HYCC2: variants seen among roughly 807,000 people sequenced by gnomAD.
The protein encoded by HYCC2 is hyccin PI4KA lipid kinase complex subunit 2, also known as hyccin 2.
the HYCC2 span, among the ~76,000 whole-genome samples, chr2:201,026,239 G>A: frequency 6.6e-6 from 1 of 152,094 alleles, no homozygotes; most frequent in Non-Finnish European, 1.5e-5. Flanking sequence ...GATGGTAAAG[G>A]GATCAATGCA....
At chr2:201,047,465 T>TATATATATACAC in the HYCC2 span, among the ~76,000 whole-genome samples, 2 of 148,806 alleles carry the variant, frequency 1.3e-5, no homozygotes, top group African/African-American at 5.0e-5. Context: ...TATATATATA[T>TATATATATACAC]ACACACACAC....
chr2:201,053,950 C>T, the HYCC2 span, among the ~76,000 whole-genome samples: 2 of 152,020 alleles, frequency 1.3e-5, no homozygotes, highest in East Asian at 1.9e-4. Context: ...GATGACAGAG[C>T]GAGACTCCAT....
the HYCC2 span, among the ~76,000 whole-genome samples, chr2:200,995,474 G>T: frequency 1.3e-5 from 2 of 152,204 alleles, no homozygotes; most frequent in Non-Finnish European, 2.9e-5. Context: ...GGGATTCCAT[G>T]ATTATGTGTA....
chr2:201,034,550 CTCTT>C, the HYCC2 span, among the ~76,000 whole-genome samples: 1 of 152,160 alleles, frequency 6.6e-6, no homozygotes, highest in Non-Finnish European at 1.5e-5. Flanking sequence ...TGGGTCTTGA[CTCTT>C]TATCCAATTT....
At chr2:201,016,893 G>T in the HYCC2 span, 2 of 1,247,222 alleles carry the variant, frequency 1.6e-6, no homozygotes, top group Non-Finnish European at 2.2e-6. Context: ...GAGCCACTGC[G>T]CCTGGCCAAT....
At chr2:201,065,040 A>G in the HYCC2 span, among the ~76,000 whole-genome samples, 1 of 152,226 alleles carries the variant, frequency 6.6e-6, no homozygotes, top group Non-Finnish European at 1.5e-5. Flanking sequence ...ATTTTATCAC[A>G]TAGGTAGACT....
the HYCC2 span, chr2:201,021,801 G>A: frequency 3.4e-6 from 1 of 291,840 alleles, no homozygotes; most frequent in Non-Finnish European, 6.8e-6. Flanking sequence ...AAAGAATTCT[G>A]AAAACTCTTG....
At chr2:201,058,572 C>T in the HYCC2 span, among the ~76,000 whole-genome samples, 1 of 152,212 alleles carries the variant, frequency 6.6e-6, no homozygotes, top group East Asian at 1.9e-4. Flanking sequence ...GGCATCGTGG[C>T]GCATGCCTGT....
the HYCC2 span, chr2:201,022,747 A>G: frequency 5.8e-6 from 5 of 859,974 alleles, no homozygotes; most frequent in South Asian, 1.2e-4. Flanking sequence ...ACAAGGAAAG[A>G]AAATTATAAA....
the HYCC2 span, chr2:200,981,473 G>T: frequency 6.2e-7 from 1 of 1,614,138 alleles, no homozygotes; most frequent in South Asian, 1.1e-5. This position sits in a 1 kb window ranked among gnomAD's most constrained non-coding sequence, Gnocchi z 4.5. Flanking sequence ...GTACTTGCTT[G>T]ACTGCCATTT....
At chr2:201,040,171 C>CAAA in the HYCC2 span, among the ~76,000 whole-genome samples, 1 of 75,442 alleles carries the variant, frequency 1.3e-5, no homozygotes, top group Non-Finnish European at 2.8e-5. Flanking sequence ...GACTCTGTCT[C>CAAA]AAAAAAAAAA....
At chr2:200,982,803 C>T in the HYCC2 span, among the ~76,000 whole-genome samples, 1 of 152,200 alleles carries the variant, frequency 6.6e-6, no homozygotes, top group South Asian at 2.1e-4. Context: ...GTCACCCAGA[C>T]TGGAGTGCAG....
At chr2:201,020,152 T>C in the HYCC2 span, among the ~76,000 whole-genome samples, 4 of 152,240 alleles carry the variant, frequency 2.6e-5, no homozygotes, top group East Asian at 5.8e-4. Context: ...GCAAGCACCA[T>C]GTTCTCAAAT....
the HYCC2 span, among the ~76,000 whole-genome samples, chr2:201,005,811 TTTTTA>T: frequency 2.6e-5 from 4 of 152,168 alleles, no homozygotes; most frequent in South Asian, 6.2e-4. Context: ...GATTTTTTAT[TTTTTA>T]TTTTGTTATT....
the HYCC2 span, among the ~76,000 whole-genome samples, chr2:201,009,896 T>G: frequency 4.0e-5 from 6 of 151,686 alleles, no homozygotes; most frequent in East Asian, 5.9e-4. Flanking sequence ...GAGGTCAGGA[T>G]ATCAAGACCA....
chr2:200,981,950 C>G, the HYCC2 span: 1 of 1,476,498 alleles, frequency 6.8e-7, no homozygotes, highest in Non-Finnish European at 9.1e-7. This position sits in a 1 kb window ranked among gnomAD's most constrained non-coding sequence, Gnocchi z 4.5. Context: ...CTGACCTTAT[C>G]TCTTGGGCAA....
chr2:201,031,564 T>C, the HYCC2 span, among the ~76,000 whole-genome samples: 1 of 151,702 alleles, frequency 6.6e-6, no homozygotes, highest in Non-Finnish European at 1.5e-5. Flanking sequence ...GGCAGGAGAG[T>C]CACTTCAACC....
chr2:201,054,553 A>G, the HYCC2 span, among the ~76,000 whole-genome samples: 2 of 152,154 alleles, frequency 1.3e-5, no homozygotes, highest in African/African-American at 2.4e-5. Flanking sequence ...ACATTTCTCC[A>G]AGGAACCCCT....
the HYCC2 span, chr2:200,975,798 T>G: frequency 6.6e-6 from 1 of 152,228 alleles, no homozygotes; most frequent in South Asian, 2.1e-4. Context: ...ATGTTGTACT[T>G]GTGTGGTCAG....
Sources: gnomAD v4.1 joint callset for allele counts (sites outside exome capture counted in the v4.1 genomes callset) on GRCh38, gnomAD v4.1.1 for gene constraint, Gnocchi (gnomAD v3.1) non-coding constraint, MANE v1.5 for transcripts, NCBI Gene and HGNC (gene_info 2026-07-23, HGNC 2026-07-21) for gene names.